Variants in CCDC91 observed in about 807,000 individuals in gnomAD.
The protein encoded by CCDC91 is coiled-coil domain-containing protein 91.
CCDC91 carries 48 observed loss-of-function variants against 63.2 expected under a neutral mutation model. The ratio of observed to expected loss-of-function variants is 0.76; its 90% CI spans 0.60 to 0.97. The LOEUF (loss-of-function observed/expected upper bound fraction) is 0.97. CCDC91 is among the 50% of genes least tolerant of loss of function. The probability of loss-of-function intolerance (pLI) is 0.00; values close to 1 mark genes in which losing one functional copy is unlikely to be tolerated. For missense variants in CCDC91, 500 were observed against 494.6 expected, an observed-to-expected ratio of 1.01 and a Z score of -0.10; for synonymous variants, 167 against 165.8, an observed-to-expected ratio of 1.01 and a Z score of -0.06.
chr12:28,195,158 T>TG (rs113408495), intron 1 of CCDC91, among the ~76,000 whole-genome samples: 3 of 151,812 alleles, frequency 2.0e-5, no homozygotes, highest in Non-Finnish European at 4.4e-5. Flanking sequence ...TGGTCCGTTT[T>TG]ACAGAGTGCT....
intron 12 of CCDC91, among the ~76,000 whole-genome samples, chr12:28,532,953 A>G (rs1232384049): frequency 6.6e-6 from 1 of 152,132 alleles, no homozygotes; most frequent in Non-Finnish European, 1.5e-5. Flanking sequence ...GAGATGGGTC[A>G]GTATAAGTTC....
chr12:28,408,817 G>A (rs151086869), intron 8 of CCDC91, among the ~76,000 whole-genome samples: 1,806 of 151,598 alleles, frequency 0.012, 37 homozygotes, highest in African/African-American at 0.042. Flanking sequence ...TAATTTTTGT[G>A]TTTTTATCAG....
intron 7 of CCDC91, among the ~76,000 whole-genome samples, chr12:28,374,421 A>T (rs946222656): frequency 6.6e-6 from 1 of 152,072 alleles, no homozygotes; most frequent in Admixed American, 6.6e-5. Context: ...ATAATTTGAG[A>T]TTACACATTT....
intron 1 of CCDC91, among the ~76,000 whole-genome samples, chr12:28,228,519 C>T (rs1208413228): frequency 6.6e-6 from 1 of 151,994 alleles, no homozygotes; most frequent in Non-Finnish European, 1.5e-5. Flanking sequence ...CGATGGTAAC[C>T]AGGCTTCTGC....
chr12:28,440,089 T>G (rs1351046665), intron 8 of CCDC91, among the ~76,000 whole-genome samples: 2 of 152,194 alleles, frequency 1.3e-5, no homozygotes, highest in Non-Finnish European at 2.9e-5. Flanking sequence ...TGGTATAGAT[T>G]TCAGTTAATT....
At chr12:28,466,308 T>A (rs561493433) in intron 11 of CCDC91, among the ~76,000 whole-genome samples, 2 of 152,254 alleles carry the variant, frequency 1.3e-5, no homozygotes, top group African/African-American at 4.8e-5. Flanking sequence ...AAAGGTATAA[T>A]AACAGAAATT....
At chr12:28,290,426 C>T (rs1282932121) in intron 3 of CCDC91, among the ~76,000 whole-genome samples, 1 of 152,158 alleles carries the variant, frequency 6.6e-6, no homozygotes, top group Non-Finnish European at 1.5e-5. Context: ...CTCTTGAAGG[C>T]AGCATACCAT....
At chr12:28,273,917 G>T (rs763059377) in intron 3 of CCDC91, among the ~76,000 whole-genome samples, 15 of 152,130 alleles carry the variant, frequency 9.9e-5, no homozygotes, top group African/African-American at 1.7e-4. Flanking sequence ...TCCTTGCCCA[G>T]GCCTATGTCC....
chr12:28,375,420 A>G (rs1944885749), intron 7 of CCDC91, among the ~76,000 whole-genome samples: 1 of 151,918 alleles, frequency 6.6e-6, no homozygotes, highest in Non-Finnish European at 1.5e-5. Context: ...CCACTTCGGA[A>G]TAAAAGATTG....
At chr12:28,265,517 C>G (rs562406179) in intron 3 of CCDC91, among the ~76,000 whole-genome samples, 3 of 152,168 alleles carry the variant, frequency 2.0e-5, no homozygotes, top group African/African-American at 7.2e-5. Context: ...ACCTGGAAGA[C>G]AGATGCCTTT....
chr12:28,447,369 G>A (rs1368099547), intron 8 of CCDC91, among the ~76,000 whole-genome samples: 1 of 151,844 alleles, frequency 6.6e-6, no homozygotes, highest in Non-Finnish European at 1.5e-5. Context: ...AAGGATGTTT[G>A]CCTAAGTGTT....
At chr12:28,477,790 A>G (rs1002932676) in intron 11 of CCDC91, among the ~76,000 whole-genome samples, 4 of 152,274 alleles carry the variant, frequency 2.6e-5, no homozygotes, top group South Asian at 4.1e-4. Flanking sequence ...TCAATGTGCA[A>G]AAATCACAAG....
At chr12:28,526,665 G>A (rs372545561) in intron 12 of CCDC91, among the ~76,000 whole-genome samples, 61 of 151,938 alleles carry the variant, frequency 4.0e-4, no homozygotes, top group African/African-American at 1.2e-3. Flanking sequence ...GCAAGGCTGG[G>A]GAACTTTTCC....
chr12:28,546,795 ATAACT>A (rs1380875692), intron 12 of CCDC91, among the ~76,000 whole-genome samples: 1 of 152,078 alleles, frequency 6.6e-6, no homozygotes, highest in Admixed American at 6.6e-5. Context: ...GTTGGGACTG[ATAACT>A]TAGTATACTC....
chr12:28,441,210 T>C (rs771033483), intron 8 of CCDC91, among the ~76,000 whole-genome samples: 67 of 152,072 alleles, frequency 4.4e-4, no homozygotes, highest in Admixed American at 2.6e-3. Context: ...CTTTTGTACA[T>C]CCAGTAAAAT....
intron 3 of CCDC91, among the ~76,000 whole-genome samples, chr12:28,286,111 A>G (rs973998883): frequency 1.3e-5 from 2 of 152,102 alleles, no homozygotes; most frequent in African/African-American, 2.4e-5. Context: ...AGGGAACACA[A>G]AGAGCTAAGT....
intron 6 of CCDC91, among the ~76,000 whole-genome samples, chr12:28,351,552 A>C (rs1943179742): frequency 6.6e-6 from 1 of 152,096 alleles, no homozygotes; most frequent in Non-Finnish European, 1.5e-5. Flanking sequence ...TATGTTTTCT[A>C]CTTGCAGTTC....
chr12:28,340,258 A>T (rs2137948791), intron 6 of CCDC91, among the ~76,000 whole-genome samples: 1 of 152,320 alleles, frequency 6.6e-6, no homozygotes, highest in East Asian at 1.9e-4. Flanking sequence ...ACATTGTTTT[A>T]TCATTTTGCA....
chr12:28,260,405 G>C (rs1946747506), intron 3 of CCDC91, among the ~76,000 whole-genome samples: 1 of 151,920 alleles, frequency 6.6e-6, no homozygotes, highest in African/African-American at 2.4e-5. Context: ...TGGAACAAAA[G>C]TGTAAATGAG....
Sources: allele counts gnomAD v4.1 joint callset (sites outside exome capture counted in the v4.1 genomes callset), GRCh38; gene constraint gnomAD v4.1.1; transcripts MANE v1.5; gene names NCBI Gene and HGNC (gene_info 2026-07-23, HGNC 2026-07-21).